The following NEBL variants were observed in gnomAD, a reference collection of about 807,000 sequenced individuals.
The protein encoded by NEBL is LIM and SH3 protein 2.
NEBL carries 122 observed loss-of-function variants against 140.2 expected under a neutral mutation model. That is an observed-to-expected ratio of 0.87 (90% CI 0.75 to 1.01). The LOEUF (loss-of-function observed/expected upper bound fraction) is 1.01, where lower values mean the gene tolerates loss of function less well. NEBL is among the 50% of genes least tolerant of loss of function. The pLI is 0.00. For synonymous variants in NEBL, 436 were observed against 398.9 expected (o/e 1.09, Z -1.11); for missense variants, 1,365 against 1,231.3 (o/e 1.11, Z -1.62).
At chr10:21,197,820 C>A (rs1311539210) in intron 3 of NEBL, among the ~76,000 whole-genome samples, 2 of 152,164 alleles carry the variant, frequency 1.3e-5, no homozygotes, top group African/African-American at 4.8e-5. Flanking sequence ...CTTTGAGACC[C>A]CATGAGAAGC....
Position 20,826,460 on chromosome 10 carries a change from T to C in NEBL, c.1856A>G (p.Gln619Arg). 6.2e-7 allele frequency: 1 copy of C among 1,610,866 alleles called. No homozygotes were observed. The highest frequency in any genetic ancestry group is 8.5e-7 in the Non-Finnish European group (1 of 1,177,304). The change falls in exon 18 of 28, where the codon CAG (glutamine) becomes CGG (arginine). Residue 619 changes from glutamine (Q) to arginine (R), a missense_variant. By Grantham distance (43) the Gln-to-Arg change is conservative. This residue lies in a region of NEBL where 1,323 missense variants were observed against 1,154.8 expected (regional missense o/e 1.15). Transcript: ENST00000377122. ...PEIERVKKNQ[Q>R]NISSVKYKEE... Reference sequence around the variant, plus strand: ...TAGAGAACTTACTGAACTAATATTCTGCTGATTTTTCTTCACTCGTTCGAT... The same window carrying C: ...TAGAGAACTTACTGAACTAATATTCCGCTGATTTTTCTTCACTCGTTCGAT...
rs1589322158 is a variant in NEBL, at chr10:21,189,743, A to G, written n.349-17266T>C. On this transcript the variant is annotated intron_variant and non_coding_transcript_variant, in intron 3 of 8. Transcript: ENST00000675702. ...CGGCCCCCCAAAGTGCTGGAATTAC[A>G]GGCATGAGCCACCGCGCCTGGCCCA... Among the ~76,000 whole-genome samples, 3 of 152,318 alleles carry G rather than the reference A, an allele frequency of 2.0e-5. No homozygotes were observed. In the South Asian group the frequency reaches 6.2e-4, roughly 32 times the overall value.
At chr10:20,943,249 C>T (rs904217120) in intron 4 of NEBL, among the ~76,000 whole-genome samples, 2 of 152,224 alleles carry the variant, frequency 1.3e-5, no homozygotes, top group African/African-American at 4.8e-5. Flanking sequence ...CCATGGAATA[C>T]TATGCAGCCA....
At chr10:21,179,724 C>CAA (rs11446563), upstream of NEBL, among the ~76,000 whole-genome samples, 144 of 137,768 alleles carry the variant, frequency 1.0e-3, no homozygotes, top group African/African-American at 3.3e-3. Context: ...AGAGATGTGA[C>CAA]AAAAAAAAAA....
At chr10:20,870,225 C>G (rs1462999776) in intron 5 of NEBL, among the ~76,000 whole-genome samples, 1 of 149,196 alleles carries the variant, frequency 6.7e-6, no homozygotes, top group African/African-American at 2.5e-5. Flanking sequence ...ACTCGGGAGG[C>G]TGAGGAAGGA....
At chr10:20,827,931 G>C (rs568064498) in intron 17 of NEBL, among the ~76,000 whole-genome samples, 37 of 152,254 alleles carry the variant, frequency 2.4e-4, no homozygotes, top group African/African-American at 8.2e-4. Context: ...AGAGGGTGAA[G>C]AAGGAGGGGA....
intron 2 of NEBL, among the ~76,000 whole-genome samples, chr10:21,156,649 A>G (rs940662123): frequency 6.6e-6 from 1 of 152,148 alleles, no homozygotes; most frequent in African/African-American, 2.4e-5. Context: ...GGCAATTACA[A>G]AAGTCTATTT....
At chr10:21,064,933 T>C (rs892456190) in intron 2 of NEBL, among the ~76,000 whole-genome samples, 2 of 151,668 alleles carry the variant, frequency 1.3e-5, no homozygotes, top group African/African-American at 2.4e-5. Flanking sequence ...AAGAATGAGA[T>C]AGAAAAAAAG....
chr10:21,110,018 A>T (rs1589243385), intron 2 of NEBL, among the ~76,000 whole-genome samples: 1 of 151,858 alleles, frequency 6.6e-6, no homozygotes, highest in Non-Finnish European at 1.5e-5. Context: ...TTCTGCTTTG[A>T]GCTTAGTTAT....
chr10:21,055,859 G>A (rs976758305), intron 2 of NEBL, among the ~76,000 whole-genome samples: 11 of 151,916 alleles, frequency 7.2e-5, no homozygotes, highest in Non-Finnish European at 7.4e-5. Context: ...GAAATGATCC[G>A]GAATGACTCC....
chr10:21,001,912 C>G (rs1837919049), intron 3 of NEBL, among the ~76,000 whole-genome samples: 1 of 152,168 alleles, frequency 6.6e-6, no homozygotes, highest in African/African-American at 2.4e-5. Context: ...CTCTGTTTTT[C>G]CACCAACACT....
At chr10:21,278,118 G>GA (rs1417269943) in intron 1 of NEBL, among the ~76,000 whole-genome samples, 4 of 152,228 alleles carry the variant, frequency 2.6e-5, no homozygotes, top group Non-Finnish European at 5.9e-5. Flanking sequence ...GACTGAACCA[G>GA]AATATGTGGC....
At chr10:21,273,302 T>G (rs1421760124) in intron 1 of NEBL, among the ~76,000 whole-genome samples, 1 of 152,126 alleles carries the variant, frequency 6.6e-6, no homozygotes, top group Non-Finnish European at 1.5e-5. Flanking sequence ...GCAGCAGATT[T>G]CTCCCTTGGA....
At chr10:20,954,867 C>A (rs895215137) in intron 4 of NEBL, among the ~76,000 whole-genome samples, 5 of 152,190 alleles carry the variant, frequency 3.3e-5, no homozygotes, top group Non-Finnish European at 7.3e-5. Flanking sequence ...TATGAAGGGA[C>A]TTGCAGGCAG....
At position 21,044,168 on chromosome 10, in the gene NEBL, G is replaced by A. The variant is rs575258540; in HGVS notation, c.165-23967C>T. Reference sequence around the variant, plus strand: ...TCCCAACAATTTTGGAGGCCAAGGCGGGCGGATCACCTGAGGTCAGGAGTT... The same window carrying A: ...TCCCAACAATTTTGGAGGCCAAGGCAGGCGGATCACCTGAGGTCAGGAGTT... On this transcript the variant is annotated intron_variant, in intron 2 of 6. Transcript: ENST00000417816. Among the ~76,000 whole-genome samples the A allele has an allele frequency of 3.4e-4, 51 of 152,058 alleles. No homozygotes were observed. The South Asian group carries it at 6.7e-3, about 20-fold the overall frequency.
intron 1 of NEBL, among the ~76,000 whole-genome samples, chr10:21,263,567 G>A (rs990157955): frequency 7.2e-5 from 11 of 152,084 alleles, no homozygotes; most frequent in Non-Finnish European, 1.3e-4. Flanking sequence ...TATCTCCCCG[G>A]GGGTTAGTTT....
intron 22 of NEBL, 37 bp downstream of exon 22, chr10:20,815,588 T>C: frequency 6.9e-7 from 1 of 1,449,304 alleles, no homozygotes; most frequent in Non-Finnish European, 9.7e-7. Context: ...AAAAGACACA[T>C]CCTTTGTGAT....
chr10:21,189,886 T>G (rs1413498469), intron 3 of NEBL, among the ~76,000 whole-genome samples: 3 of 152,248 alleles, frequency 2.0e-5, no homozygotes, highest in Non-Finnish European at 4.4e-5. Context: ...TCTGCTCCCC[T>G]GCTCAGAATC....
intron 2 of NEBL, among the ~76,000 whole-genome samples, chr10:21,086,688 G>A (rs993831389): frequency 2.6e-5 from 4 of 152,118 alleles, no homozygotes; most frequent in Admixed American, 6.6e-5. Flanking sequence ...AAGGTGGGTG[G>A]ATGAGTTAAG....
Sources: gnomAD v4.1 joint callset for allele counts (sites outside exome capture counted in the v4.1 genomes callset) on GRCh38, gnomAD v4.1.1 for gene constraint, gnomAD v4.1.1 regional missense constraint, MANE v1.5 for transcripts, NCBI Gene and HGNC (gene_info 2026-07-23, HGNC 2026-07-21) for gene names.